The following CNTNAP2 variants were observed in gnomAD, a reference collection of about 807,000 sequenced individuals.
CNTNAP2 encodes contactin associated protein 2.
CNTNAP2 carries 98 observed loss-of-function variants against 155.2 expected under a neutral mutation model. The observed-to-expected ratio is 0.63, with a 90% confidence interval of 0.54 to 0.75. The LOEUF is 0.75. CNTNAP2 is among the 30% of genes least tolerant of loss of function. The pLI is 0.00. For synonymous variants in CNTNAP2, 651 were observed against 631.2 expected, an observed-to-expected ratio of 1.03 and a Z score of -0.47; for missense variants, 1,727 against 1,688.1, an observed-to-expected ratio of 1.02 and a Z score of -0.40.
chr7:146,660,519 G>A (rs149522023), intron 1 of CNTNAP2, among the ~76,000 whole-genome samples: 2,445 of 152,252 alleles, frequency 0.016, 48 homozygotes, highest in Middle Eastern at 0.054. Flanking sequence ...AATTAAAAGA[G>A]GTAATGTGTA....
At chr7:146,652,741 A>G (rs1464329395) in intron 1 of CNTNAP2, among the ~76,000 whole-genome samples, 4 of 152,196 alleles carry the variant, frequency 2.6e-5, no homozygotes, top group African/African-American at 9.6e-5. Flanking sequence ...GACAGAAATC[A>G]AAGTGTAGAA....
chr7:147,685,386 C>G (rs1301192513), intron 13 of CNTNAP2, among the ~76,000 whole-genome samples: 1 of 151,912 alleles, frequency 6.6e-6, no homozygotes, highest in Non-Finnish European at 1.5e-5. Context: ...ACAAGATGGA[C>G]TTGACTTCTC....
chr7:147,747,131 C>A (rs73742360), intron 13 of CNTNAP2, among the ~76,000 whole-genome samples: 10 of 152,320 alleles, frequency 6.6e-5, no homozygotes, highest in Admixed American at 2.6e-4. Context: ...AACTCACCGA[C>A]CGCCTCTTAT....
chr7:147,918,350 C>T (rs1283368311), intron 14 of CNTNAP2, among the ~76,000 whole-genome samples: 3 of 152,162 alleles, frequency 2.0e-5, no homozygotes, highest in Non-Finnish European at 4.4e-5. Flanking sequence ...GAGTCATAAA[C>T]CCACATAGAC....
intron 13 of CNTNAP2, among the ~76,000 whole-genome samples, chr7:147,830,163 TAAAA>T (rs3055144): frequency 6.9e-6 from 1 of 144,940 alleles, no homozygotes; most frequent in Non-Finnish European, 1.5e-5. Context: ...GGGTTGCTAT[TAAAA>T]AAAAAAAAAA....
intron 11 of CNTNAP2, among the ~76,000 whole-genome samples, chr7:147,498,639 T>A (rs747323422): frequency 2.6e-5 from 4 of 152,240 alleles, no homozygotes; most frequent in Non-Finnish European, 4.4e-5. Flanking sequence ...ATAAGTAACA[T>A]TTCTCCTCTT....
intron 9 of CNTNAP2, among the ~76,000 whole-genome samples, chr7:147,348,066 A>C (rs1795907056): frequency 6.6e-6 from 1 of 152,102 alleles, no homozygotes; most frequent in South Asian, 2.1e-4. Flanking sequence ...GAAATAATAA[A>C]ACTGCTAGAA....
chr7:147,624,551 C>T (rs1794935000), intron 12 of CNTNAP2, among the ~76,000 whole-genome samples: 1 of 152,112 alleles, frequency 6.6e-6, no homozygotes, highest in Non-Finnish European at 1.5e-5. Flanking sequence ...ATCAAAACAA[C>T]AATGAAATAT....
At chr7:146,282,673 A>G (rs1171460470) in intron 1 of CNTNAP2, among the ~76,000 whole-genome samples, 3 of 152,240 alleles carry the variant, frequency 2.0e-5, no homozygotes, top group Non-Finnish European at 4.4e-5. Context: ...GGAATTTTCT[A>G]TCAGTGATAC....
At chr7:147,165,666 G>A (rs185032775) in intron 8 of CNTNAP2, among the ~76,000 whole-genome samples, 1 of 152,238 alleles carries the variant, frequency 6.6e-6, no homozygotes, top group East Asian at 1.9e-4. Flanking sequence ...TTTTGTATAA[G>A]GTTCAGTTTC....
chr7:146,204,201 T>G (rs1196454476), intron 1 of CNTNAP2, among the ~76,000 whole-genome samples: 1 of 152,144 alleles, frequency 6.6e-6, no homozygotes, highest in Non-Finnish European at 1.5e-5. Context: ...GCCAACAATA[T>G]CTTAAGAAAA....
intron 1 of CNTNAP2, among the ~76,000 whole-genome samples, chr7:146,522,532 C>A (rs1010834265): frequency 2.6e-5 from 4 of 151,820 alleles, no homozygotes; most frequent in African/African-American, 9.7e-5. Flanking sequence ...AAGATAATAC[C>A]ATTTTTGAGC....
chr7:146,727,671 C>T (rs1344188598), intron 1 of CNTNAP2, among the ~76,000 whole-genome samples: 2 of 152,064 alleles, frequency 1.3e-5, no homozygotes, highest in Non-Finnish European at 2.9e-5. Flanking sequence ...TTTTTCAGGC[C>T]GTTTTGGTAT....
chr7:147,042,760 T>C (rs2129254818), intron 3 of CNTNAP2, among the ~76,000 whole-genome samples: 1 of 152,278 alleles, frequency 6.6e-6, no homozygotes, highest in African/African-American at 2.4e-5. Flanking sequence ...TTAAAATTTC[T>C]ATTTGTATGA....
At chr7:148,369,393 T>G (rs1353718837) in intron 21 of CNTNAP2, among the ~76,000 whole-genome samples, 1 of 151,468 alleles carries the variant, frequency 6.6e-6, no homozygotes, top group Non-Finnish European at 1.5e-5. Flanking sequence ...GGCTAATTTG[T>G]GCCACTACAC....
At chr7:146,359,504 G>A (rs900540744) in intron 1 of CNTNAP2, among the ~76,000 whole-genome samples, 1 of 152,110 alleles carries the variant, frequency 6.6e-6, no homozygotes, top group African/African-American at 2.4e-5. Context: ...ATTACCTTAG[G>A]GGAAGCCCTT....
Position 147,670,755 on chromosome 7 carries a change from T to C in CNTNAP2, c.2098+31449T>C, listed in dbSNP as rs1366883183. ...TCCCCGACAGTTGCCATCCTTCAGG[T>C]TGTTCATATGACCTCATTTCTCCTG... is the stretch of plus-strand genomic sequence containing the variant. On this transcript the variant is annotated intron_variant, in intron 13 of 23. Coordinates refer to ENST00000361727, the MANE Select transcript of CNTNAP2 (RefSeq NM_014141.6). 2.0e-5 allele frequency among the ~76,000 whole-genome samples: 3 copies of C among 152,188 alleles called. No individual in the cohort carries two copies. In the South Asian group the frequency reaches 6.2e-4, roughly 32 times the overall value.
chr7:148,382,452 G>A (rs1404599418), intron 21 of CNTNAP2, among the ~76,000 whole-genome samples: 2 of 151,734 alleles, frequency 1.3e-5, no homozygotes, highest in Non-Finnish European at 2.9e-5. Context: ...CCTCAAAGTT[G>A]CGAAAACTGT....
intron 19 of CNTNAP2, among the ~76,000 whole-genome samples, chr7:148,220,609 T>A (rs1353547809): frequency 6.8e-6 from 1 of 147,296 alleles, no homozygotes; most frequent in Non-Finnish European, 1.5e-5. Flanking sequence ...TGTGAAATAT[T>A]AGCTCCATAA....
Sources: gnomAD v4.1 joint callset for allele counts (sites outside exome capture counted in the v4.1 genomes callset) on GRCh38, gnomAD v4.1.1 for gene constraint, MANE v1.5 for transcripts, NCBI Gene and HGNC (gene_info 2026-07-23, HGNC 2026-07-21) for gene names.